The following C12orf42 variants were observed in gnomAD, a reference collection of about 807,000 sequenced individuals.
C12orf42 encodes the protein uncharacterized protein C12orf42.
A neutral mutation model predicts 21.6 loss-of-function variants in C12orf42; 25 were observed. The ratio of observed to expected loss-of-function variants is 1.16; its 90% CI spans 0.84 to 1.62. C12orf42 has a LOEUF of 1.62. Among genes scored for constraint, C12orf42 ranks in the 40% most tolerant of loss-of-function variants. C12orf42 has a pLI of 0.00. For synonymous variants in C12orf42, 174 were observed against 175.0 expected (o/e 0.99, Z 0.05); for missense variants, 483 against 459.3 (o/e 1.05, Z -0.47).
At chr12:103,255,799 C>G (rs1050625711) in intron 10 of C12orf42, among the ~76,000 whole-genome samples, 34 of 151,380 alleles carry the variant, frequency 2.2e-4, no homozygotes, top group Admixed American at 2.2e-3. Context: ...CGCCTGTAAT[C>G]CCAGCACTTT....
chr12:103,354,807 G>A (rs540871837), intron 4 of C12orf42, among the ~76,000 whole-genome samples: 42 of 152,034 alleles, frequency 2.8e-4, no homozygotes, highest in South Asian at 6.2e-4. Flanking sequence ...ATCTTCTCAG[G>A]TTGGTCTCTC....
chr12:103,441,179 C>T (rs906274191), intron 2 of C12orf42, among the ~76,000 whole-genome samples: 3 of 152,118 alleles, frequency 2.0e-5, no homozygotes, highest in African/African-American at 7.2e-5. Flanking sequence ...AGGTTTGAGG[C>T]ACCCTTCCCC....
At chr12:103,104,467 A>C in the C12orf42 span, among the ~76,000 whole-genome samples, 1 of 152,112 alleles carries the variant, frequency 6.6e-6, no homozygotes, top group Admixed American at 6.5e-5. Flanking sequence ...TTTGAGATGG[A>C]GTCTCACTCT....
chr12:103,235,951 G>T (rs1177764758), downstream of C12orf42, among the ~76,000 whole-genome samples: 3 of 152,162 alleles, frequency 2.0e-5, no homozygotes, highest in Admixed American at 6.5e-5. Context: ...AAATAGCTCA[G>T]AAATGCTCCT....
intron 2 of C12orf42, among the ~76,000 whole-genome samples, chr12:103,449,081 TGATAGATAGATAGATAGATA>T (rs56702467): frequency 8.5e-4 from 125 of 146,604 alleles, no homozygotes; most frequent in African/African-American, 2.8e-3. Context: ...AAAGAAAATA[TGATAGATAGATAGATAGATA>T]GATAGATAGA....
At chr12:103,281,915 A>AAAGAAAG in intron 4 of C12orf42, among the ~76,000 whole-genome samples, 1 of 141,828 alleles carries the variant, frequency 7.1e-6, no homozygotes, top group Non-Finnish European at 1.5e-5. Flanking sequence ...AGAAGAAAGA[A>AAAGAAAG]AAAGAAAGAA....
chr12:103,406,844 G>GA (rs368138641), intron 2 of C12orf42, among the ~76,000 whole-genome samples: 2,764 of 148,942 alleles, frequency 0.019, 65 homozygotes, highest in African/African-American at 0.058. Flanking sequence ...AGAGCAAAAA[G>GA]AAAAAAAAAA....
At chr12:103,386,427 C>A (rs2046615562) in intron 3 of C12orf42, among the ~76,000 whole-genome samples, 1 of 152,134 alleles carries the variant, frequency 6.6e-6, no homozygotes, top group Non-Finnish European at 1.5e-5. Context: ...TTATCTCCAG[C>A]TGAATAACAT....
chr12:103,140,341 G>A, the C12orf42 span, among the ~76,000 whole-genome samples: 2 of 152,108 alleles, frequency 1.3e-5, no homozygotes, highest in East Asian at 1.9e-4. Flanking sequence ...TTCAGACCCC[G>A]GGAAGGGAAT....
At chr12:103,341,283 A>C (rs572879282) in intron 4 of C12orf42, among the ~76,000 whole-genome samples, 274 of 152,176 alleles carry the variant, frequency 1.8e-3, no homozygotes, top group African/African-American at 6.1e-3. Flanking sequence ...GGTGCCCAGG[A>C]GCTGAAGGCT....
At chr12:103,103,443 A>T in the C12orf42 span, among the ~76,000 whole-genome samples, 1 of 152,234 alleles carries the variant, frequency 6.6e-6, no homozygotes, top group Non-Finnish European at 1.5e-5. Flanking sequence ...AGGGAAAAGG[A>T]TCTCAGCTTT....
At chr12:103,392,449 G>A (rs2047159321) in intron 3 of C12orf42, among the ~76,000 whole-genome samples, 1 of 152,132 alleles carries the variant, frequency 6.6e-6, no homozygotes, top group Non-Finnish European at 1.5e-5. Flanking sequence ...GTTAAGTCTT[G>A]CAATCCATGA....
At chr12:103,299,040 T>C (rs2037485227), downstream of C12orf42, among the ~76,000 whole-genome samples, 1 of 152,164 alleles carries the variant, frequency 6.6e-6, no homozygotes, top group East Asian at 1.9e-4. Flanking sequence ...TCACCTCACT[T>C]ATGTACCAAC....
At chr12:103,543,899 TTTTG>T in the C12orf42 span, among the ~76,000 whole-genome samples, 210 of 142,898 alleles carry the variant, frequency 1.5e-3, 2 homozygotes, top group African/African-American at 5.4e-3. Flanking sequence ...TTGTTTTGTT[TTTTG>T]TTTTTTTTGA....
the C12orf42 span, among the ~76,000 whole-genome samples, chr12:103,202,852 T>C: frequency 3.3e-5 from 5 of 152,168 alleles, no homozygotes; most frequent in Admixed American, 3.3e-4. Flanking sequence ...GGATTTTCAG[T>C]CAGTTTATTG....
chr12:103,219,972 T>C, the C12orf42 span, among the ~76,000 whole-genome samples: 2 of 152,222 alleles, frequency 1.3e-5, no homozygotes, highest in Non-Finnish European at 2.9e-5. Context: ...GTATGTTTAT[T>C]GCAGCACTAT....
At chr12:103,135,833 A>G in the C12orf42 span, among the ~76,000 whole-genome samples, 1 of 152,250 alleles carries the variant, frequency 6.6e-6, no homozygotes, top group Non-Finnish European at 1.5e-5. Context: ...CAGACACAGT[A>G]AGACCATTTG....
At chr12:103,508,537 G>A in the C12orf42 span, among the ~76,000 whole-genome samples, 2 of 152,180 alleles carry the variant, frequency 1.3e-5, no homozygotes, top group Non-Finnish European at 2.9e-5. Context: ...GACTGACGGT[G>A]TTGTAATTGT....
the C12orf42 span, among the ~76,000 whole-genome samples, chr12:103,517,402 G>A: frequency 6.6e-6 from 1 of 152,156 alleles, no homozygotes; most frequent in East Asian, 1.9e-4. Context: ...CTGCAGCCTG[G>A]ATGACTTACC....
Sources: gnomAD v4.1 joint callset for allele counts (sites outside exome capture counted in the v4.1 genomes callset) on GRCh38, gnomAD v4.1.1 for gene constraint, MANE v1.5 for transcripts, NCBI Gene and HGNC (gene_info 2026-07-23, HGNC 2026-07-21) for gene names.